LRRN1: variants seen among roughly 807,000 people sequenced by gnomAD.
LRRN1 encodes leucine-rich repeat neuronal protein 1.
A neutral mutation model predicts 45.8 loss-of-function variants in LRRN1; 14 were observed. The observed-to-expected ratio is 0.31, with a 90% CI of 0.20 to 0.48. The LOEUF (loss-of-function observed/expected upper bound fraction) is 0.48, where lower values mean the gene tolerates loss of function less well. LRRN1 is among the 20% of genes least tolerant of loss of function. LRRN1 has a pLI of 0.99. For synonymous variants in LRRN1, 359 were observed against 330.1 expected (o/e 1.09, Z -0.95); for missense variants, 789 against 874.2 (o/e 0.90, Z 1.23).
chr3:3,834,249 A>G (rs193096863), intron 1 of LRRN1, among the ~76,000 whole-genome samples: 151 of 152,122 alleles, frequency 9.9e-4, no homozygotes, highest in African/African-American at 3.5e-3. Flanking sequence ...TTATGTATAG[A>G]GTCACTGAAC....
At chr3:3,834,782 G>A (rs1217623514) in intron 1 of LRRN1, among the ~76,000 whole-genome samples, 2 of 151,222 alleles carry the variant, frequency 1.3e-5, no homozygotes, top group Non-Finnish European at 2.9e-5. Context: ...GATGTAGGCT[G>A]GGAGGCTAGG....
intron 1 of LRRN1, among the ~76,000 whole-genome samples, chr3:3,810,049 T>G (rs1692843598): frequency 6.6e-6 from 1 of 152,182 alleles, no homozygotes; most frequent in Non-Finnish European, 1.5e-5. Context: ...TTTATGTTTG[T>G]CTAGACATGA....
intron 1 of LRRN1, among the ~76,000 whole-genome samples, chr3:3,823,856 T>C (rs992269734): frequency 1.3e-5 from 2 of 152,178 alleles, no homozygotes; most frequent in African/African-American, 4.8e-5. Flanking sequence ...TGCTGCTTAA[T>C]GGGTACCTTT....
chr3:3,802,748 C>T (rs759471163), intron 1 of LRRN1, among the ~76,000 whole-genome samples: 18 of 152,286 alleles, frequency 1.2e-4, no homozygotes, highest in Non-Finnish European at 2.4e-4. Flanking sequence ...TGACTCTACA[C>T]GCCTGATGTC....
intron 1 of LRRN1, chr3:3,827,417 A>T (rs539560068): frequency 1.8e-5 from 8 of 456,506 alleles, no homozygotes; most frequent in South Asian, 1.2e-4. Context: ...TCCTTCTGGG[A>T]GGTCAGTCCA....
Position 3,849,003 on chromosome 3 carries a change from C to CT in LRRN1, c.*2213dup, listed in dbSNP as rs1693835522. On this transcript the variant is annotated 3_prime_UTR_variant, in exon 2 of 2. Transcript: ENST00000319331. ...GAATTGGAGCTGCGTTGAATGCAAA[C>CT]TTGAGGTGTTTCCCTTGAGGAATTC... 6.6e-6 allele frequency among the ~76,000 whole-genome samples: 1 copy of CT among 152,204 alleles called. No homozygotes were observed. The highest frequency in any genetic ancestry group is 6.5e-5 in the Admixed American group (1 of 15,284).
intron 1 of LRRN1, among the ~76,000 whole-genome samples, chr3:3,820,040 T>A (rs1001889477): frequency 6.8e-6 from 1 of 146,484 alleles, no homozygotes; most frequent in Non-Finnish European, 1.5e-5. Flanking sequence ...GGATCCTGTT[T>A]TCCCATTCTC....
In LRRN1 at chr3:3,848,027, G is replaced by C. The variant is rs533954559; in HGVS notation, c.*1235G>C. ...TATTGGATATGTCATTTCTGTAAGA[G>C]TTTTGTTAAAACCTGATTTTCTTTT... On this transcript the variant is annotated 3_prime_UTR_variant, in exon 2 of 2. Transcript: ENST00000319331. 6.6e-6 allele frequency among the ~76,000 whole-genome samples: 1 copy of C among 152,182 alleles called. No homozygotes were observed. The highest frequency in any genetic ancestry group is 2.1e-4 in the South Asian group (1 of 4,816).
chr3:3,838,022 A>G (rs1182189915), intron 1 of LRRN1, among the ~76,000 whole-genome samples: 4 of 152,054 alleles, frequency 2.6e-5, no homozygotes, highest in Non-Finnish European at 5.9e-5. Context: ...TGCTGAGGAT[A>G]ATGGCTGCCA....
chr3:3,849,332 C>T lies in LRRN1; in HGVS notation c.*2540C>T, dbSNP rs983646066. Among the ~76,000 whole-genome samples, 6 of 152,166 alleles carry T rather than the reference C, an allele frequency of 3.9e-5. No homozygotes were observed. The highest frequency in any genetic ancestry group is 3.9e-4 in the Admixed American group (6 of 15,272). ...TGCCAGCCCAGTTTGGGGGGAAAAA[C>T]CCCTTTTACATTTTTCTTCAGTAAA... On this transcript the variant is annotated 3_prime_UTR_variant, in exon 2 of 2. Transcript: ENST00000319331.
intron 1 of LRRN1, among the ~76,000 whole-genome samples, chr3:3,828,481 G>C (rs921048301): frequency 6.6e-6 from 1 of 151,648 alleles, no homozygotes; most frequent in Non-Finnish European, 1.5e-5. Flanking sequence ...ATCTCTTTTG[G>C]CAACACCCAC....
At chr3:3,826,455 A>C (rs950409733) in intron 1 of LRRN1, among the ~76,000 whole-genome samples, 13 of 152,272 alleles carry the variant, frequency 8.5e-5, no homozygotes, top group Admixed American at 7.8e-4. Flanking sequence ...TTCTTGGCGA[A>C]CATCCTTGTT....
At chr3:3,800,608 T>TGGCAG (rs1692628939) in intron 1 of LRRN1, 1 of 87,232 alleles carries the variant, frequency 1.1e-5, no homozygotes, top group African/African-American at 5.1e-5. Flanking sequence ...AGCCTTGAGC[T>TGGCAG]CCACGCGGGG....
At chr3:3,827,912 T>C (rs1254998797) in intron 1 of LRRN1, among the ~76,000 whole-genome samples, 5 of 152,136 alleles carry the variant, frequency 3.3e-5, no homozygotes, top group East Asian at 1.9e-4. Context: ...TGGTTGAAAA[T>C]ATAATAGAAA....
At chr3:3,803,788 A>C (rs578007879) in intron 1 of LRRN1, among the ~76,000 whole-genome samples, 1 of 152,356 alleles carries the variant, frequency 6.6e-6, no homozygotes, top group East Asian at 1.9e-4. Flanking sequence ...TTAGTGACCA[A>C]GGGATCCATT....
rs752164039 is a variant in LRRN1, at chr3:3,844,725, G to A, written c.84G>A (p.Gln28=). Residue 28 remains glutamine, a synonymous_variant, in exon 2 of 2, where the codon CAG becomes CAA. Transcript: ENST00000319331. ...CTTCATTAACCGAGTCTTCCATACA[G>A]AATAGTGAGTGTCCACAACTTTGCG... ...LMTSLTESSI[Q]NSECPQLCVC... 4 of 1,614,006 alleles carry A rather than the reference G, an allele frequency of 2.5e-6. No homozygotes were observed. Among genetic ancestry groups the A allele is most frequent in the Non-Finnish European group, 3.4e-6 (4 of 1,180,022 alleles).
At chr3:3,815,981 T>A (rs1451267721) in intron 1 of LRRN1, among the ~76,000 whole-genome samples, 1 of 152,164 alleles carries the variant, frequency 6.6e-6, no homozygotes, top group Non-Finnish European at 1.5e-5. Flanking sequence ...GCAACTACAA[T>A]TTCTATTAGA....
rs537981905 is a variant in LRRN1 at position 3,840,165 on chromosome 3, G to A, written c.-278-4199G>A. 2.6e-5 allele frequency among the ~76,000 whole-genome samples: 4 copies of A among 152,108 alleles called. No individual in the cohort carries two copies. In the South Asian group the frequency reaches 8.3e-4, roughly 32 times the overall value. ...GGTACTTTCCTTCCATTCTTCATTTGTTGAGTGTTTTTATCATGAAAAAGT... is the reference window on the plus strand; with the variant it reads ...GGTACTTTCCTTCCATTCTTCATTTATTGAGTGTTTTTATCATGAAAAAGT... On this transcript the variant is annotated intron_variant, in intron 1 of 1. Transcript: ENST00000319331.
rs1016756683 is a variant in LRRN1 at position 3,847,057 on chromosome 3, AGTT to A, written c.*271_*273del. On this transcript the variant is annotated 3_prime_UTR_variant, in exon 2 of 2. Transcript: ENST00000319331. ...TGTTATTATATTATTATTTTATTTT[AGTT>A]GTTGTGCTAAACTCAATAATGCTGT... 5 of 257,778 alleles carry A rather than the reference AGTT, an allele frequency of 1.9e-5. No homozygotes were observed. The highest frequency in any genetic ancestry group is 5.0e-5 in the Admixed American group (1 of 19,986). 16.0% of individuals were successfully genotyped at this position (257,778 alleles called of 1,614,324 possible). A position where few individuals can be genotyped will look rare whatever the true frequency, so the allele number is the denominator to read the frequency against.
Sources: allele counts gnomAD v4.1 joint callset (sites outside exome capture counted in the v4.1 genomes callset), GRCh38; gene constraint gnomAD v4.1.1; transcripts MANE v1.5; gene names NCBI Gene and HGNC (gene_info 2026-07-23, HGNC 2026-07-21).